Variants in SHANK2 observed in about 807,000 individuals in gnomAD.
The protein encoded by SHANK2 is SH3 and multiple ankyrin repeat domains 2.
Under a neutral mutation model 133.7 loss-of-function variants are expected in SHANK2, and 43 were observed. The ratio of observed to expected loss-of-function variants is 0.32; its 90% CI spans 0.25 to 0.41. The LOEUF is 0.41. Among genes scored for constraint, SHANK2 ranks in the 10% least tolerant of loss-of-function variants. SHANK2 has a pLI of 1.00. For synonymous variants in SHANK2, 1,017 were observed against 952.8 expected (o/e 1.07, Z -1.24); for missense variants, 1,994 against 2,235.8 (o/e 0.89, Z 2.18).
At chr11:70,910,935 G>C in intron 10 of SHANK2, 3 of 455,396 alleles carry the variant, frequency 6.6e-6, no homozygotes, top group Non-Finnish European at 8.8e-6. Context: ...TGCACATGCT[G>C]GGGGCACATG....
intron 2 of SHANK2, among the ~76,000 whole-genome samples, chr11:71,203,298 G>A (rs986195768): frequency 2.0e-5 from 3 of 152,202 alleles, no homozygotes; most frequent in Non-Finnish European, 4.4e-5. Flanking sequence ...TAAGAGATAG[G>A]TGCTATGATA....
chr11:70,918,135 C>T (rs958290770), intron 10 of SHANK2, among the ~76,000 whole-genome samples: 2 of 151,890 alleles, frequency 1.3e-5, no homozygotes, highest in Non-Finnish European at 2.9e-5. Flanking sequence ...AAAGCAATTG[C>T]TATAAAACAG....
chr11:70,773,330 C>T (rs868915863), intron 14 of SHANK2, among the ~76,000 whole-genome samples: 3 of 152,170 alleles, frequency 2.0e-5, no homozygotes, highest in African/African-American at 7.2e-5. Context: ...GGGAAACATG[C>T]GAACAACTGC....
At chr11:71,118,578 T>TC (rs148523206) in intron 4 of SHANK2, among the ~76,000 whole-genome samples, 15,278 of 151,966 alleles carry the variant, frequency 0.1, 1,986 homozygotes, top group African/African-American at 0.31. Flanking sequence ...TCCAATCACC[T>TC]CCTCCCTCAA....
rs1461844741 is a variant in SHANK2 at position 70,739,273 on chromosome 11, C to T, written c.1778-40510G>A. On this transcript the variant is annotated intron_variant, in intron 14 of 25. Transcript: ENST00000601538. This position sits in a 1 kb window ranked among gnomAD's most constrained non-coding sequence, Gnocchi z 4.3. ...CCAGACGCAGACCCGGGGCATCTCC[C>T]ATCTCCACCCATCTCCACTCATCTC... Among the ~76,000 whole-genome samples the T allele has an allele frequency of 9.9e-5, 15 of 152,156 alleles. No individual in the cohort carries two copies. Among genetic ancestry groups the T allele is most frequent in the Admixed American group, 8.5e-4 (13 of 15,276 alleles).
At chr11:70,925,211 G>T (rs968150924) in intron 10 of SHANK2, among the ~76,000 whole-genome samples, 1 of 152,042 alleles carries the variant, frequency 6.6e-6, no homozygotes, top group Non-Finnish European at 1.5e-5. Flanking sequence ...AGAAAGCAAT[G>T]GTTAAATATA....
At chr11:71,147,964 G>T (rs1257234850) in intron 2 of SHANK2, among the ~76,000 whole-genome samples, 3 of 151,532 alleles carry the variant, frequency 2.0e-5, no homozygotes, top group African/African-American at 7.3e-5. Flanking sequence ...ATCAGACTTG[G>T]GGGTCCCCAA....
In SHANK2 at chr11:70,662,345, C is replaced by T. The variant is rs905759169; in HGVS notation, c.1854-667G>A. 7 of 162,638 alleles carry T rather than the reference C, an allele frequency of 4.3e-5. No homozygotes were observed. In the South Asian group the frequency reaches 1.1e-3, roughly 25 times the overall value. The allele number at this position is 162,638 out of a possible 1,614,324, so 10.1% of individuals were successfully genotyped here. A position where few individuals can be genotyped will look rare whatever the true frequency, so the allele number is the denominator to read the frequency against. On this transcript the variant is annotated intron_variant, in intron 15 of 25. Transcript: ENST00000601538. Reference sequence around the variant, plus strand: ...GGCAGGAGCCCCCACAATCATCTGACGAGCCCACAGTGCGCCCGGCGGCTG... The same window carrying T: ...GGCAGGAGCCCCCACAATCATCTGATGAGCCCACAGTGCGCCCGGCGGCTG...
At chr11:70,544,158 C>G (rs931109933) in intron 17 of SHANK2, among the ~76,000 whole-genome samples, 1 of 152,196 alleles carries the variant, frequency 6.6e-6, no homozygotes, top group Non-Finnish European at 1.5e-5. Context: ...TCCTGTGCCT[C>G]TCCCTGGGGA....
Position 70,485,884 on chromosome 11 carries a change from T to C in SHANK2, c.4409A>G (p.Asn1470Ser). 1 of 1,614,052 alleles carries C rather than the reference T, an allele frequency of 6.2e-7. No homozygotes were observed. The highest frequency in any genetic ancestry group is 8.5e-7 in the Non-Finnish European group (1 of 1,180,008). Residue 1470 changes from asparagine (N) to serine (S), a missense_variant, in exon 25 of 26, where the codon AAC becomes AGC. Transcript: ENST00000601538. The surrounding 1 kb of genome is among the most constrained non-coding windows in gnomAD (Gnocchi z 5.8). Reference protein sequence around the residue: ...ADSKKPASLSNCLPASFLPPP... With the variant: ...ADSKKPASLSSCLPASFLPPP... ...TGGCAGGAATGAGGCAGGCAGACAG[T>C]TTGAAAGACTGGCTGGCTTCTTGCT...
rs1292490852 is a variant in SHANK2 at position 70,472,986 on chromosome 11, C to T, written c.5433G>A (p.Glu1811=). 3.1e-6 allele frequency: 5 copies of T among 1,614,122 alleles called. No individual in the cohort carries two copies. The African/African-American group carries it at 4.0e-5, about 13-fold the overall frequency. ...GGTTTGGTAAGTGACTGCCATCGATCTCATTGTCCATGAAGGCCTCTTTAT... is the reference window on the plus strand; with the variant it reads ...GGTTTGGTAAGTGACTGCCATCGATTTCATTGTCCATGAAGGCCTCTTTAT... ...GEHKEAFMDN[E]IDGSHLPNLQ... The change falls in exon 26 of 26, where the codon GAG becomes GAA. Residue 1811 remains glutamate, a synonymous_variant. Coordinates refer to ENST00000601538, the MANE Select transcript of SHANK2 (RefSeq NM_012309.5). This position sits in a 1 kb window ranked among gnomAD's most constrained non-coding sequence, Gnocchi z 4.4.
intron 14 of SHANK2, among the ~76,000 whole-genome samples, chr11:70,746,455 C>T (rs1224653825): frequency 6.6e-6 from 1 of 151,724 alleles, no homozygotes; most frequent in Admixed American, 6.5e-5. Context: ...CACTCTCCCG[C>T]CTCTCCAGGA....
chr11:71,167,599 C>G (rs1555111265), intron 2 of SHANK2, among the ~76,000 whole-genome samples: 1 of 143,114 alleles, frequency 7.0e-6, no homozygotes, highest in African/African-American at 2.6e-5. Context: ...GGACTCCTCA[C>G]TTCCCAGTAG....
At chr11:70,841,883 T>C (rs1354100429) in intron 11 of SHANK2, among the ~76,000 whole-genome samples, 1 of 152,134 alleles carries the variant, frequency 6.6e-6, no homozygotes, top group Non-Finnish European at 1.5e-5. Context: ...CTTCTCCAAG[T>C]CTTGGCTACT....
intron 10 of SHANK2, among the ~76,000 whole-genome samples, chr11:70,906,152 C>T (rs1021088407): frequency 2.6e-5 from 4 of 152,208 alleles, no homozygotes; most frequent in Admixed American, 2.0e-4. Context: ...ACAAAGACAG[C>T]GCCCAGCCTG....
chr11:70,477,293 A>G (rs782766481), intron 25 of SHANK2: 11 of 152,242 alleles, frequency 7.2e-5, no homozygotes, highest in African/African-American at 2.4e-5. Context: ...CGACAGATGA[A>G]ATGAAGGCAG....
intron 11 of SHANK2, among the ~76,000 whole-genome samples, chr11:70,888,834 A>G (rs1352417714): frequency 2.0e-5 from 2 of 101,120 alleles, no homozygotes; most frequent in Non-Finnish European, 3.7e-5. Flanking sequence ...AAGAAAAAAA[A>G]AAGAGAGAAA....
Position 70,470,900 on chromosome 11 carries a change from A to G in SHANK2, c.*1969T>C, listed in dbSNP as rs1178061923. The G allele has an allele frequency of 1.2e-5, 2 of 172,144 alleles. No homozygotes were observed. The highest frequency in any genetic ancestry group is 4.7e-5 in the African/African-American group (2 of 42,508). The allele number at this position is 172,144 out of a possible 1,614,324, so 10.7% of individuals were successfully genotyped here. A position where few individuals can be genotyped will look rare whatever the true frequency, so the allele number is the denominator to read the frequency against. On this transcript the variant is annotated 3_prime_UTR_variant, in exon 26 of 26. Coordinates refer to ENST00000601538, the MANE Select transcript of SHANK2 (RefSeq NM_012309.5). Reference sequence around the variant, plus strand: ...TTTTTGTTTTTGGAGAAACTGCTGCATTATGAATTGTAACCACTTTGAAGA... The same window carrying G: ...TTTTTGTTTTTGGAGAAACTGCTGCGTTATGAATTGTAACCACTTTGAAGA...
At position 70,486,731 on chromosome 11, in the gene SHANK2, C is replaced by T. The variant is rs2058812610; in HGVS notation, c.3562G>A (p.Val1188Met). The T allele has an allele frequency of 6.2e-7, 1 of 1,610,466 alleles. No individual in the cohort carries two copies. Among genetic ancestry groups the T allele is most frequent in the African/African-American group, 1.3e-5 (1 of 75,042 alleles). The change falls in exon 25 of 26, where the codon GTG becomes ATG. Residue 1188 changes from valine to methionine, a missense_variant. Physicochemically the swap from Val to Met is conservative, Grantham distance 21 (BLOSUM62 1). Around this residue, in one of 5 missense-constraint regions of SHANK2, gnomAD observed 797 missense variants for 907.4 expected, o/e 0.88. Transcript: ENST00000601538. This position sits in a 1 kb window ranked among gnomAD's most constrained non-coding sequence, Gnocchi z 8.0. ...KAQGPESSPA[V>M]PSASSGTAGP... ...GCTGTGCCGCTGCTCGCGGAGGGCA[C>T]TGCTGGGCTGCTCTCGGGCCCCTGG...
Sources: allele counts gnomAD v4.1 joint callset (sites outside exome capture counted in the v4.1 genomes callset), GRCh38; gene constraint gnomAD v4.1.1; regional missense constraint gnomAD v4.1.1; non-coding constraint Gnocchi (gnomAD v3.1); transcripts MANE v1.5; gene names NCBI Gene and HGNC (gene_info 2026-07-23, HGNC 2026-07-21).